NOX4: variants seen among roughly 807,000 people sequenced by gnomAD.
NOX4 encodes NADPH oxidase 4.
Under a neutral mutation model 87.6 loss-of-function variants are expected in NOX4, and 69 were observed. The observed-to-expected ratio is 0.79, with a 90% CI of 0.65 to 0.96. NOX4 has a LOEUF of 0.96. NOX4 is among the 40% of genes least tolerant of loss of function. NOX4 has a pLI of 0.00. For missense variants in NOX4, 680 were observed against 681.5 expected, an observed-to-expected ratio of 1.00 and a Z score of 0.02; for synonymous variants, 275 against 238.2, an observed-to-expected ratio of 1.15 and a Z score of -1.42.
the NOX4 span, among the ~76,000 whole-genome samples, chr11:89,526,366 C>A: frequency 5.3e-5 from 8 of 152,170 alleles, no homozygotes; most frequent in Non-Finnish European, 1.0e-4. Context: ...TCACCACAAG[C>A]ATTGCTACTT....
At chr11:89,404,358 A>G (rs1942046802) in intron 8 of NOX4, among the ~76,000 whole-genome samples, 1 of 152,194 alleles carries the variant, frequency 6.6e-6, no homozygotes, top group Non-Finnish European at 1.5e-5. Context: ...TGCACTTAGC[A>G]CTACTCCAAT....
At chr11:89,493,624 T>G (rs796834151), upstream of NOX4, among the ~76,000 whole-genome samples, 2 of 152,074 alleles carry the variant, frequency 1.3e-5, no homozygotes, top group African/African-American at 4.8e-5. Flanking sequence ...GAAACAGTAC[T>G]CCAAGCCATC....
intron 12 of NOX4, among the ~76,000 whole-genome samples, chr11:89,360,335 T>C (rs1642678466): frequency 6.6e-6 from 1 of 152,116 alleles, no homozygotes; most frequent in African/African-American, 2.4e-5. Context: ...CAAGTAGATC[T>C]TAAGTATTCT....
At chr11:89,340,255 T>C (rs1945922755) in intron 14 of NOX4, 84 bp from the exon 15 acceptor site, 1 of 888,308 alleles carries the variant, frequency 1.1e-6, no homozygotes. Context: ...AGTTTCCTTT[T>C]CATTAGTAAG....
At chr11:89,512,580 C>T in the NOX4 span, among the ~76,000 whole-genome samples, 1 of 152,150 alleles carries the variant, frequency 6.6e-6, no homozygotes, top group South Asian at 2.1e-4. Context: ...TAGGCTTATC[C>T]AGGTTGTCAC....
At chr11:89,401,679 A>G (rs1159322596) in intron 9 of NOX4, among the ~76,000 whole-genome samples, 5 of 152,140 alleles carry the variant, frequency 3.3e-5, no homozygotes, top group Non-Finnish European at 5.9e-5. Context: ...AGGAGCAAGC[A>G]TATTAGTCAA....
chr11:89,574,755 C>T, the NOX4 span, among the ~76,000 whole-genome samples: 428 of 152,290 alleles, frequency 2.8e-3, no homozygotes, highest in African/African-American at 9.9e-3. Flanking sequence ...AAAGAAAATA[C>T]TACAATACAT....
At chr11:89,526,917 T>C in the NOX4 span, among the ~76,000 whole-genome samples, 33 of 151,914 alleles carry the variant, frequency 2.2e-4, no homozygotes, top group Non-Finnish European at 8.8e-5. Context: ...CAGGCAGAGG[T>C]TGGAACAGAA....
At chr11:89,438,634 ATATATAATACTC>A (rs1273884173) in intron 6 of NOX4, among the ~76,000 whole-genome samples, 3 of 82,900 alleles carry the variant, frequency 3.6e-5, no homozygotes, top group East Asian at 3.8e-4. Flanking sequence ...ATTATATACT[ATATATAATACTC>A]TATATAATAT....
At chr11:89,364,035 A>G (rs1938738133) in intron 12 of NOX4, among the ~76,000 whole-genome samples, 1 of 152,074 alleles carries the variant, frequency 6.6e-6, no homozygotes, top group African/African-American at 2.4e-5. Context: ...GCTTGAGGCC[A>G]GGGATTTGAG....
intron 8 of NOX4, among the ~76,000 whole-genome samples, chr11:89,411,394 A>G (rs536391964): frequency 6.6e-6 from 1 of 152,290 alleles, no homozygotes; most frequent in East Asian, 1.9e-4. Context: ...ATACCAATTC[A>G]GCCACAGTGG....
chr11:89,329,844 G>T (rs1472331284), intron 17 of NOX4, among the ~76,000 whole-genome samples: 2 of 151,714 alleles, frequency 1.3e-5, no homozygotes, highest in African/African-American at 4.8e-5. Flanking sequence ...AAACCTGAAA[G>T]AATTGTCAGC....
intron 12 of NOX4, among the ~76,000 whole-genome samples, chr11:89,359,254 C>A (rs1413260003): frequency 6.6e-6 from 1 of 152,004 alleles, no homozygotes. Context: ...ACTTTTTCTA[C>A]ATCTTTTTGT....
At chr11:89,436,167 C>T (rs994137888) in intron 6 of NOX4, among the ~76,000 whole-genome samples, 1 of 152,046 alleles carries the variant, frequency 6.6e-6, no homozygotes, top group African/African-American at 2.4e-5. Flanking sequence ...AAATTCTGCT[C>T]TACAAAAATT....
chr11:89,502,124 G>A (rs1947028795), upstream of NOX4, among the ~76,000 whole-genome samples: 1 of 152,034 alleles, frequency 6.6e-6, no homozygotes, highest in Non-Finnish European at 1.5e-5. Flanking sequence ...CCCCCTTGAA[G>A]AGGATTTGAG....
intron 12 of NOX4, among the ~76,000 whole-genome samples, chr11:89,356,640 C>A (rs1847139): frequency 1.3e-5 from 2 of 152,126 alleles, no homozygotes; most frequent in East Asian, 3.9e-4. Context: ...CTACTGTACA[C>A]TCCCAGTACA....
chr11:89,421,604 A>AT (rs937291618), intron 8 of NOX4, among the ~76,000 whole-genome samples: 3 of 152,096 alleles, frequency 2.0e-5, no homozygotes. Context: ...TCATTCTTAA[A>AT]TTTTTTCATT....
At chr11:89,478,908 G>A (rs1946276726) in intron 2 of NOX4, among the ~76,000 whole-genome samples, 1 of 151,746 alleles carries the variant, frequency 6.6e-6, no homozygotes, top group African/African-American at 2.4e-5. Flanking sequence ...ATAATCACTT[G>A]AGCCAAGGAG....
At chr11:89,525,425 A>T in the NOX4 span, among the ~76,000 whole-genome samples, 2 of 152,008 alleles carry the variant, frequency 1.3e-5, no homozygotes, top group Non-Finnish European at 2.9e-5. Context: ...TGGATATGTA[A>T]TGTACCTCAT....
Sources: allele counts gnomAD v4.1 joint callset (sites outside exome capture counted in the v4.1 genomes callset), GRCh38; gene constraint gnomAD v4.1.1; transcripts MANE v1.5; gene names NCBI Gene and HGNC (gene_info 2026-07-23, HGNC 2026-07-21).